Variants in RPS6KC1 observed in about 807,000 individuals in gnomAD.
RPS6KC1 encodes inactive ribosomal protein S6 kinase delta-1.
In RPS6KC1, 54 loss-of-function variants were observed where a neutral mutation model predicts 103.8. The ratio of observed to expected loss-of-function variants is 0.52; its 90% CI spans 0.42 to 0.65. The LOEUF (loss-of-function observed/expected upper bound fraction) is 0.65. RPS6KC1 is among the 30% of genes least tolerant of loss of function. The pLI is 0.00. For missense variants in RPS6KC1, 1,151 were observed against 1,253.8 expected (o/e 0.92, Z 1.24); for synonymous variants, 439 against 438.7 (o/e 1.00, Z -0.01).
the RPS6KC1 span, among the ~76,000 whole-genome samples, chr1:213,719,239 T>C: frequency 6.6e-6 from 1 of 152,356 alleles, no homozygotes; most frequent in Non-Finnish European, 1.5e-5. Context: ...ATTTCTTATA[T>C]TATTCAATAT....
the RPS6KC1 span, among the ~76,000 whole-genome samples, chr1:213,487,591 C>T: frequency 6.6e-6 from 1 of 151,992 alleles, no homozygotes; most frequent in African/African-American, 2.4e-5. Flanking sequence ...CCTACAAGGC[C>T]CTGCTCAGTA....
At chr1:213,775,865 T>C in the RPS6KC1 span, among the ~76,000 whole-genome samples, 1 of 152,230 alleles carries the variant, frequency 6.6e-6, no homozygotes, top group Non-Finnish European at 1.5e-5. Flanking sequence ...CTTTATCAAC[T>C]AACTTTATGG....
At chr1:213,499,884 G>T in the RPS6KC1 span, among the ~76,000 whole-genome samples, 1 of 152,094 alleles carries the variant, frequency 6.6e-6, no homozygotes, top group Non-Finnish European at 1.5e-5. Context: ...TACCATATAA[G>T]GGATTAAAAA....
the RPS6KC1 span, among the ~76,000 whole-genome samples, chr1:213,575,730 G>A: frequency 2.0e-5 from 3 of 152,134 alleles, no homozygotes; most frequent in South Asian, 2.1e-4. Context: ...CATACACCGG[G>A]AAATGACATG....
At chr1:213,773,614 C>T in the RPS6KC1 span, among the ~76,000 whole-genome samples, 1 of 151,274 alleles carries the variant, frequency 6.6e-6, no homozygotes, top group Non-Finnish European at 1.5e-5. Flanking sequence ...TGGGAAATTG[C>T]ATTTTATGTT....
At chr1:213,072,694 A>C (rs376451583) in intron 2 of RPS6KC1, among the ~76,000 whole-genome samples, 2 of 152,236 alleles carry the variant, frequency 1.3e-5, no homozygotes, top group East Asian at 3.8e-4. Flanking sequence ...CAGTGAAAGT[A>C]ATTTGCACCA....
At chr1:213,386,068 G>A in the RPS6KC1 span, among the ~76,000 whole-genome samples, 13 of 152,268 alleles carry the variant, frequency 8.5e-5, no homozygotes, top group Non-Finnish European at 5.9e-5. Context: ...TCATGGGGGC[G>A]GATTCCTCAT....
At chr1:213,809,345 G>A in the RPS6KC1 span, among the ~76,000 whole-genome samples, 7 of 152,050 alleles carry the variant, frequency 4.6e-5, no homozygotes, top group Admixed American at 2.0e-4. Context: ...TAGTAACATC[G>A]AAGATCACTG....
chr1:213,222,644 C>A (rs551937945), intron 8 of RPS6KC1, among the ~76,000 whole-genome samples: 1 of 152,038 alleles, frequency 6.6e-6, no homozygotes, highest in African/African-American at 2.4e-5. Flanking sequence ...TAAAGCCCAC[C>A]GAGTACTATT....
chr1:213,518,480 A>G, the RPS6KC1 span, among the ~76,000 whole-genome samples: 13 of 152,212 alleles, frequency 8.5e-5, no homozygotes, highest in African/African-American at 2.9e-4. Flanking sequence ...GAAGCAAGGA[A>G]GGATCCTCCC....
the RPS6KC1 span, among the ~76,000 whole-genome samples, chr1:213,483,024 G>A: frequency 1.3e-5 from 2 of 151,902 alleles, no homozygotes; most frequent in African/African-American, 2.4e-5. Flanking sequence ...TAGCATCTGA[G>A]TTGTATTCTA....
chr1:213,618,202 GA>G, the RPS6KC1 span, among the ~76,000 whole-genome samples: 3 of 151,836 alleles, frequency 2.0e-5, no homozygotes, highest in South Asian at 2.1e-4. Flanking sequence ...TAGAGGATAG[GA>G]AAAAAAATGA....
intron 8 of RPS6KC1, 193 bp downstream of exon 8, chr1:213,176,685 A>G (rs1175500567): frequency 5.1e-6 from 2 of 394,028 alleles, no homozygotes; most frequent in Non-Finnish European, 9.3e-6. Context: ...CATGCAAAAT[A>G]TATTTGAGCT....
intron 8 of RPS6KC1, among the ~76,000 whole-genome samples, chr1:213,203,975 A>G (rs984572432): frequency 2.0e-5 from 3 of 152,210 alleles, no homozygotes; most frequent in Non-Finnish European, 2.9e-5. Flanking sequence ...TGTCTGCTGG[A>G]AGCTCCTATT....
the RPS6KC1 span, among the ~76,000 whole-genome samples, chr1:213,386,391 C>T: frequency 6.6e-6 from 1 of 152,188 alleles, no homozygotes; most frequent in African/African-American, 2.4e-5. Context: ...TCGGTTTCCT[C>T]ATCTGTGCAA....
the RPS6KC1 span, among the ~76,000 whole-genome samples, chr1:213,766,147 C>T: frequency 6.6e-6 from 1 of 152,206 alleles, no homozygotes; most frequent in East Asian, 1.9e-4. Flanking sequence ...TATCCAACTT[C>T]CCAACGTGTC....
In RPS6KC1 at chr1:213,204,795, T is replaced by C. The variant is rs149263820; in HGVS notation, c.1045-25702T>C. 3.3e-4 allele frequency among the ~76,000 whole-genome samples: 50 copies of C among 152,124 alleles called. No individual in the cohort carries two copies. The East Asian group carries it at 9.1e-3, about 28-fold the overall frequency. On this transcript the variant is annotated intron_variant, in intron 8 of 14. Transcript: ENST00000366960. Reference sequence around the variant, plus strand: ...TATGCCAGCATGCCTGGCTAATTTTTTAATTTTATTTTTTGTAGAGATGGC... The same window carrying C: ...TATGCCAGCATGCCTGGCTAATTTTCTAATTTTATTTTTTGTAGAGATGGC...
chr1:213,179,375 A>ACTG (rs2092110414), intron 8 of RPS6KC1, among the ~76,000 whole-genome samples: 1 of 151,826 alleles, frequency 6.6e-6, no homozygotes, highest in African/African-American at 2.4e-5. Context: ...AGATTGCACC[A>ACTG]CTGCATTCCA....
rs567545205 is a variant in RPS6KC1, at chr1:213,133,863, C to T, written c.835+3974C>T. On this transcript the variant is annotated intron_variant, in intron 6 of 14. Transcript: ENST00000366960. ...TTCTTCGTATTGTGCTATGCTACTT[C>T]TCACATGTTCCTCCTAATTAGATTA... 1.3e-4 allele frequency among the ~76,000 whole-genome samples: 20 copies of T among 152,292 alleles called. No homozygotes were observed. In the East Asian group the frequency reaches 3.9e-3, roughly 29 times the overall value.
Sources: gnomAD v4.1 joint callset for allele counts (sites outside exome capture counted in the v4.1 genomes callset) on GRCh38, gnomAD v4.1.1 for gene constraint, MANE v1.5 for transcripts, NCBI Gene and HGNC (gene_info 2026-07-23, HGNC 2026-07-21) for gene names.